Variants in TET1 observed in about 807,000 individuals in gnomAD.
TET1 encodes the protein tet methylcytosine dioxygenase 1.
Under a neutral mutation model 148.7 loss-of-function variants are expected in TET1, and 13 were observed. The ratio of observed to expected loss-of-function variants is 0.09; its 90% CI spans 0.06 to 0.14. TET1 has a LOEUF of 0.14. TET1 is among the 10% of genes least tolerant of loss of function. The pLI is 1.00. For synonymous variants in TET1, 907 were observed against 937.2 expected, an observed-to-expected ratio of 0.97 and a Z score of 0.59; for missense variants, 2,182 against 2,553.8, an observed-to-expected ratio of 0.85 and a Z score of 3.14.
At chr10:68,637,877 A>G (rs1008204004) in intron 3 of TET1, among the ~76,000 whole-genome samples, 2 of 151,940 alleles carry the variant, frequency 1.3e-5, no homozygotes, top group African/African-American at 2.4e-5. Flanking sequence ...TCAAAAAAAA[A>G]AAAAAGATTC....
intron 5 of TET1, 39 bp from the exon 6 acceptor site, chr10:68,652,462 A>G (rs1161038703): frequency 3.4e-6 from 5 of 1,457,450 alleles, no homozygotes; most frequent in East Asian, 4.7e-5. Flanking sequence ...ACAGATTGCA[A>G]TTAATTAGTA....
chr10:68,596,027 C>CACACACACATAT (rs71470531), intron 2 of TET1, among the ~76,000 whole-genome samples: 30 of 61,684 alleles, frequency 4.9e-4, no homozygotes, highest in Admixed American at 1.1e-3. Flanking sequence ...CACACACACA[C>CACACACACATAT]ATATATATAT....
At chr10:68,686,307 T>A (rs1446457487) in intron 10 of TET1, 49 bp from the exon 11 acceptor site, 1 of 1,468,302 alleles carries the variant, frequency 6.8e-7, no homozygotes, top group African/African-American at 1.4e-5. Flanking sequence ...CCACAATGAA[T>A]GTGCACGACC....
At position 68,604,854 on chromosome 10, in the gene TET1, C is replaced by T. The variant is rs183855808; in HGVS notation, c.1968+3820C>T. 6.7e-3 allele frequency among the ~76,000 whole-genome samples: 1,026 copies of T among 152,294 alleles called. 9 individuals are homozygous for T. Among genetic ancestry groups the T allele is most frequent in the South Asian group, 0.023 (109 of 4,826 alleles). On this transcript the variant is annotated intron_variant, in intron 3 of 11. Coordinates refer to ENST00000373644, the MANE Select transcript of TET1 (RefSeq NM_030625.3). ...CTGAAGAGTACATAAGAACTCTATA[C>T]TATTTTTGCAACTCATCTGTAAATC...
At chr10:68,685,049 T>A (rs1723467812) in intron 10 of TET1, among the ~76,000 whole-genome samples, 1 of 151,736 alleles carries the variant, frequency 6.6e-6, no homozygotes, top group South Asian at 2.1e-4. Flanking sequence ...GAACCCAGGA[T>A]CTTGAGTGTA....
At position 68,631,173 on chromosome 10, in the gene TET1, C is replaced by T. The variant is rs2054563613; in HGVS notation, c.1969-13525C>T. ...CCTAGGCAATAGTGCCAAACTTTGT[C>T]ACAAAAAACAAAACAAAACAAAAGA... On this transcript the variant is annotated intron_variant, in intron 3 of 11. Transcript: ENST00000373644. 2.0e-5 allele frequency among the ~76,000 whole-genome samples: 3 copies of T among 152,018 alleles called. No individual in the cohort carries two copies. In the South Asian group the frequency reaches 6.2e-4, roughly 31 times the overall value.
At chr10:68,577,461 C>T (rs982746336) in intron 2 of TET1, among the ~76,000 whole-genome samples, 3 of 151,916 alleles carry the variant, frequency 2.0e-5, no homozygotes, top group Non-Finnish European at 4.4e-5. Context: ...TTGAGACCAA[C>T]ATAAGCAACA....
At chr10:68,616,294 C>T (rs1420132136) in intron 3 of TET1, among the ~76,000 whole-genome samples, 1 of 150,324 alleles carries the variant, frequency 6.7e-6, no homozygotes, top group Non-Finnish European at 1.5e-5. Flanking sequence ...TGATATTTTC[C>T]AAGCGTACAG....
At chr10:68,584,545 C>T (rs976602860) in intron 2 of TET1, among the ~76,000 whole-genome samples, 1 of 150,764 alleles carries the variant, frequency 6.6e-6, no homozygotes, top group Non-Finnish European at 1.5e-5. Flanking sequence ...CCCGTCTCTA[C>T]GAAAAATGCA....
At chr10:68,670,776 T>C (rs1466589669) in intron 7 of TET1, among the ~76,000 whole-genome samples, 1 of 152,164 alleles carries the variant, frequency 6.6e-6, no homozygotes, top group East Asian at 1.9e-4. Context: ...AATTTCATCG[T>C]AGTCTTTCTT....
At chr10:68,570,462 C>T (rs1450168591) in intron 1 of TET1, among the ~76,000 whole-genome samples, 1 of 151,914 alleles carries the variant, frequency 6.6e-6, no homozygotes, top group Admixed American at 6.6e-5. Flanking sequence ...CTAGTAGTCC[C>T]CAGTGTCTAT....
chr10:68,591,853 C>T (rs1044657439), intron 2 of TET1, among the ~76,000 whole-genome samples: 8 of 151,718 alleles, frequency 5.3e-5, no homozygotes, highest in Non-Finnish European at 1.2e-4. Flanking sequence ...TGCAGTGAGC[C>T]GAGATTACAC....
chr10:68,577,114 G>A (rs1302554857), intron 2 of TET1, among the ~76,000 whole-genome samples: 1 of 152,198 alleles, frequency 6.6e-6, no homozygotes, highest in African/African-American at 2.4e-5. Context: ...GTTTCACCGT[G>A]TTAGCCAGGA....
At chr10:68,665,694 CTA>C (rs148730412) in intron 6 of TET1, among the ~76,000 whole-genome samples, 16 of 150,698 alleles carry the variant, frequency 1.1e-4, no homozygotes, top group African/African-American at 3.6e-4. Context: ...AATTTTGGTA[CTA>C]TATATATATA....
intron 2 of TET1, among the ~76,000 whole-genome samples, chr10:68,577,102 G>A (rs1473710988): frequency 6.6e-6 from 1 of 152,184 alleles, no homozygotes; most frequent in African/African-American, 2.4e-5. Context: ...AGTAGAGACA[G>A]GGTTTCACCG....
intron 6 of TET1, among the ~76,000 whole-genome samples, chr10:68,664,164 C>T (rs2133165633): frequency 6.6e-6 from 1 of 152,096 alleles, no homozygotes; most frequent in African/African-American, 2.4e-5. Context: ...TTTTACTTTG[C>T]TAGGTGACAA....
intron 3 of TET1, among the ~76,000 whole-genome samples, chr10:68,609,016 G>C (rs1385854286): frequency 2.6e-5 from 4 of 151,776 alleles, no homozygotes; most frequent in African/African-American, 9.7e-5. Context: ...TTGTTTATAT[G>C]TTTTTATGAC....
Position 68,572,396 on chromosome 10 carries a change from A to G in TET1, c.58A>G (p.Lys20Glu), listed in dbSNP as rs1172120339. ...ATTAGTCAGGAAGGAAGATGTAAAC[A>G]AAAAAAAGAAAAACAGCCAACTACG... ...SRLVRKEDVN[K>E]KKKNSQLRKT... is the part of the protein sequence containing the mutation. Residue 20 changes from lysine to glutamate, a missense_variant, in exon 2 of 12, where the codon AAA becomes GAA. Transcript: ENST00000373644. The G allele has an allele frequency of 5.0e-6, 8 of 1,610,368 alleles. No individual in the cohort carries two copies. Among genetic ancestry groups the G allele is most frequent in the Non-Finnish European group, 6.8e-6 (8 of 1,178,972 alleles).
At chr10:68,660,115 C>T (rs536233400) in intron 6 of TET1, among the ~76,000 whole-genome samples, 9 of 152,244 alleles carry the variant, frequency 5.9e-5, no homozygotes, top group Non-Finnish European at 1.0e-4. Context: ...GCTCCCAGAT[C>T]TGAATCTGAT....
Sources: allele counts gnomAD v4.1 joint callset (sites outside exome capture counted in the v4.1 genomes callset), GRCh38; gene constraint gnomAD v4.1.1; transcripts MANE v1.5; gene names NCBI Gene and HGNC (gene_info 2026-07-23, HGNC 2026-07-21).